Variants in SAXO1 observed in about 807,000 individuals in gnomAD.
SAXO1 encodes the protein 4930500O09Rik.
SAXO1 carries 21 observed loss-of-function variants against 17.5 expected under a neutral mutation model. The ratio of observed to expected loss-of-function variants is 1.20; its 90% CI spans 0.85 to 1.72. The LOEUF is 1.72. SAXO1 is among the 40% of genes most tolerant of loss of function. The pLI, the probability that SAXO1 is intolerant of heterozygous loss-of-function variation, is 0.00. For missense variants in SAXO1, 843 were observed against 596.0 expected, an observed-to-expected ratio of 1.41 and a Z score of -4.32; for synonymous variants, 274 against 216.5, an observed-to-expected ratio of 1.27 and a Z score of -2.33.
rs201028118 is a variant in SAXO1, at chr9:19,003,275, G to T, written c.38+29596C>A. On this transcript the variant is annotated intron_variant, in intron 1 of 3. Coordinates refer to ENST00000380534, the MANE Select transcript of SAXO1 (RefSeq NM_153707.4). The stretch of plus-strand genomic sequence containing the variant: ...AAACAAACGGAAGAATATTCCATGC[G>T]CATGGATAGGAAGAATCAATATTGT... 2.6e-5 allele frequency among the ~76,000 whole-genome samples: 4 copies of T among 152,114 alleles called. No homozygotes were observed. In the East Asian group the frequency reaches 5.8e-4, roughly 22 times the overall value.
At chr9:18,960,423 C>T (rs1165759368) in intron 1 of SAXO1, among the ~76,000 whole-genome samples, 5 of 152,112 alleles carry the variant, frequency 3.3e-5, no homozygotes, top group Non-Finnish European at 5.9e-5. Context: ...CCTAGCCTTC[C>T]CTGTTACTTC....
intron 1 of SAXO1, among the ~76,000 whole-genome samples, chr9:18,972,527 T>C (rs368201409): frequency 4.6e-5 from 7 of 152,160 alleles, no homozygotes; most frequent in African/African-American, 1.4e-4. Context: ...ATTATCTCAA[T>C]CTTTACAATC....
chr9:18,945,495 G>T (rs575918209), intron 2 of SAXO1, among the ~76,000 whole-genome samples: 2 of 152,312 alleles, frequency 1.3e-5, no homozygotes, highest in East Asian at 1.9e-4. Context: ...CACCCTTCTA[G>T]AGAAACTATT....
At chr9:18,954,484 G>A (rs758736900) in intron 1 of SAXO1, among the ~76,000 whole-genome samples, 5 of 151,820 alleles carry the variant, frequency 3.3e-5, no homozygotes, top group Admixed American at 6.6e-5. Flanking sequence ...CCACAGACAC[G>A]CAAAACCATG....
chr9:18,997,749 A>G (rs952507448), intron 1 of SAXO1, among the ~76,000 whole-genome samples: 1 of 152,092 alleles, frequency 6.6e-6, no homozygotes, highest in African/African-American at 2.4e-5. Context: ...GGTGCCGATC[A>G]AGGATGAAGC....
intron 1 of SAXO1, among the ~76,000 whole-genome samples, chr9:18,957,050 T>A (rs1195010964): frequency 6.6e-6 from 1 of 152,218 alleles, no homozygotes; most frequent in Admixed American, 6.5e-5. Context: ...CTGTACCAAG[T>A]AATTCTCTTT....
upstream of SAXO1, among the ~76,000 whole-genome samples, chr9:19,034,507 A>T (rs1479809183): frequency 1.3e-5 from 2 of 152,224 alleles, no homozygotes; most frequent in African/African-American, 2.4e-5. Context: ...AATTTGTGTA[A>T]ACATTCCCGA....
At chr9:19,024,910 C>G (rs568277738) in intron 1 of SAXO1, among the ~76,000 whole-genome samples, 1 of 152,128 alleles carries the variant, frequency 6.6e-6, no homozygotes, top group Non-Finnish European at 1.5e-5. Flanking sequence ...CACTACAGAA[C>G]AGAATCAGAA....
At chr9:18,993,079 T>C (rs1224099784) in intron 1 of SAXO1, among the ~76,000 whole-genome samples, 3 of 152,060 alleles carry the variant, frequency 2.0e-5, no homozygotes, top group Non-Finnish European at 2.9e-5. Flanking sequence ...AGATTACTGG[T>C]GTGGGCCACC....
intron 1 of SAXO1, among the ~76,000 whole-genome samples, chr9:19,045,361 C>G (rs954142081): frequency 2.2e-5 from 3 of 138,352 alleles, no homozygotes; most frequent in African/African-American, 7.8e-5. Flanking sequence ...TGCAATTAGA[C>G]TTACAGATCC....
chr9:19,042,024 T>C (rs942493817), intron 1 of SAXO1, among the ~76,000 whole-genome samples: 1 of 152,140 alleles, frequency 6.6e-6, no homozygotes, highest in Non-Finnish European at 1.5e-5. Context: ...GAATGGGAGA[T>C]AATATTTGCA....
rs1230949907 is a variant in SAXO1 at position 18,992,820 on chromosome 9, G to C, written c.38+40051C>G. Among the ~76,000 whole-genome samples the C allele has an allele frequency of 2.0e-5, 3 of 151,834 alleles. 1 individual carries two copies. The highest frequency in any genetic ancestry group is 2.1e-4 in the South Asian group (1 of 4,816). ...TTTAGCTCTTGTTGCCCAGGCTGGA[G>C]TGCAATGGCATGATCTCAGCTCACC... On this transcript the variant is annotated intron_variant, in intron 1 of 3. Transcript: ENST00000380534.
At chr9:18,958,614 C>T (rs1266935754) in intron 1 of SAXO1, among the ~76,000 whole-genome samples, 5 of 151,878 alleles carry the variant, frequency 3.3e-5, no homozygotes, top group Non-Finnish European at 7.4e-5. Context: ...CTGAGTGCCA[C>T]GCTGGAAGGA....
chr9:19,042,184 T>C (rs1836094459), intron 1 of SAXO1, among the ~76,000 whole-genome samples: 1 of 152,050 alleles, frequency 6.6e-6, no homozygotes, highest in Admixed American at 6.5e-5. Context: ...AACAGGCATA[T>C]AAAAAAGTGC....
chr9:18,957,251 C>A (rs747901979), intron 1 of SAXO1, among the ~76,000 whole-genome samples: 5 of 152,214 alleles, frequency 3.3e-5, no homozygotes, highest in African/African-American at 9.6e-5. Context: ...ACAGAACTTT[C>A]TTTGCTGCTT....
chr9:18,928,867 C>G lies in SAXO1; in HGVS notation c.610G>C (p.Val204Leu). Reference sequence around the variant, plus strand: ...ACATAGCTCATCTTGTAGTTAGTCACATCCTCCAAGGGGATGTTACAGAGC... The same window carrying G: ...ACATAGCTCATCTTGTAGTTAGTCAGATCCTCCAAGGGGATGTTACAGAGC... ...PKLCNIPLED[V>L]TNYKMSYVAH... Residue 204 changes from valine to leucine, a missense_variant, in exon 4 of 4, where the codon GTG (valine) becomes CTG (leucine). Physicochemically the swap from Val to Leu is conservative, Grantham distance 32 (BLOSUM62 1). Coordinates refer to ENST00000380534, the MANE Select transcript of SAXO1 (RefSeq NM_153707.4). The G allele has an allele frequency of 6.2e-7, 1 of 1,614,186 alleles. No individual in the cohort carries two copies. The highest frequency in any genetic ancestry group is 8.5e-7 in the Non-Finnish European group (1 of 1,180,038).
intron 3 of SAXO1, among the ~76,000 whole-genome samples, chr9:18,930,843 T>A (rs1046346516): frequency 1.9e-4 from 29 of 152,278 alleles, no homozygotes; most frequent in African/African-American, 6.7e-4. Flanking sequence ...ATCCAAGACC[T>A]AGGTTGCCCC....
intron 1 of SAXO1, among the ~76,000 whole-genome samples, chr9:19,046,718 A>AAC (rs1836226327): frequency 6.6e-6 from 1 of 151,628 alleles, no homozygotes; most frequent in South Asian, 2.1e-4. Context: ...AAAAAAAAAA[A>AAC]AATTAAGCAT....
chr9:18,973,599 A>G (rs969956452), intron 1 of SAXO1, among the ~76,000 whole-genome samples: 1 of 152,208 alleles, frequency 6.6e-6, no homozygotes, highest in Non-Finnish European at 1.5e-5. Flanking sequence ...GCTGCACTGG[A>G]TAAGACAAGC....
Sources: allele counts gnomAD v4.1 joint callset (sites outside exome capture counted in the v4.1 genomes callset), GRCh38; gene constraint gnomAD v4.1.1; transcripts MANE v1.5; gene names NCBI Gene and HGNC (gene_info 2026-07-23, HGNC 2026-07-21).